Variants in GALNT2 observed in about 807,000 individuals in gnomAD.
GALNT2 encodes the protein UDP-GalNAc:polypeptide N-acetylgalactosaminyltransferase 2.
A neutral mutation model predicts 81.4 loss-of-function variants in GALNT2; 31 were observed. The observed-to-expected ratio is 0.38, with a 90% CI of 0.29 to 0.51. GALNT2 has a LOEUF of 0.51. Ranked by LOEUF, GALNT2 falls within the 20% of genes least tolerant of loss-of-function variation. The pLI, the probability that GALNT2 is intolerant of heterozygous loss-of-function variation, is 0.87. For synonymous variants in GALNT2, 303 were observed against 287.4 expected (o/e 1.05, Z -0.55); for missense variants, 629 against 765.7 (o/e 0.82, Z 2.11).
intron 1 of GALNT2, among the ~76,000 whole-genome samples, chr1:230,112,709 G>A (rs557186042): frequency 1.3e-5 from 2 of 151,696 alleles, no homozygotes; most frequent in South Asian, 4.2e-4. Flanking sequence ...AGTGGAGGAA[G>A]CGCAGTTGTG....
chr1:230,278,637 CAG>C (rs1666358410), intron 15 of GALNT2, among the ~76,000 whole-genome samples: 1 of 152,192 alleles, frequency 6.6e-6, no homozygotes, highest in South Asian at 2.1e-4. Flanking sequence ...CCCTGCCATA[CAG>C]AGCACCAGGG....
upstream of GALNT2, among the ~76,000 whole-genome samples, chr1:230,066,722 G>A (rs1186937515): frequency 6.6e-6 from 1 of 152,252 alleles, no homozygotes; most frequent in Non-Finnish European, 1.5e-5. Flanking sequence ...CAAGGCTGAA[G>A]AGGTGACAGT....
intron 1 of GALNT2, among the ~76,000 whole-genome samples, chr1:230,074,675 A>G (rs1348966695): frequency 6.6e-6 from 1 of 152,202 alleles, no homozygotes; most frequent in Non-Finnish European, 1.5e-5. Flanking sequence ...GGGGTGAACC[A>G]CTGTGGGGAG....
At chr1:230,162,186 A>T (rs991861486) in intron 1 of GALNT2, among the ~76,000 whole-genome samples, 16 of 152,186 alleles carry the variant, frequency 1.1e-4, no homozygotes, top group African/African-American at 3.9e-4. Context: ...ACAAGCACTG[A>T]AGACTAACCA....
chr1:230,156,233 A>AAG (rs71173784), intron 1 of GALNT2, among the ~76,000 whole-genome samples: 21,228 of 118,560 alleles, frequency 0.18, 1,762 homozygotes, highest in Admixed American at 0.24. Context: ...GAGAGAGAGA[A>AAG]AGAGAGAGAG....
At chr1:230,233,411 G>A (rs1664927607) in intron 3 of GALNT2, among the ~76,000 whole-genome samples, 1 of 152,246 alleles carries the variant, frequency 6.6e-6, no homozygotes, top group East Asian at 1.9e-4. Flanking sequence ...TCAGGAGTTC[G>A]AGACCAGCCT....
At chr1:230,184,763 C>T (rs563158568) in intron 2 of GALNT2, among the ~76,000 whole-genome samples, 4 of 152,104 alleles carry the variant, frequency 2.6e-5, no homozygotes, top group Admixed American at 6.5e-5. Flanking sequence ...CCTTAATTTG[C>T]GTTTTGGTGT....
At chr1:230,204,207 G>A (rs935884065) in intron 3 of GALNT2, among the ~76,000 whole-genome samples, 5 of 150,020 alleles carry the variant, frequency 3.3e-5, no homozygotes, top group African/African-American at 1.2e-4. Context: ...CTGTTGCCTA[G>A]GCTGGAATAT....
chr1:230,273,683 A>G (rs757430488), intron 14 of GALNT2, among the ~76,000 whole-genome samples: 5 of 152,098 alleles, frequency 3.3e-5, no homozygotes, highest in Non-Finnish European at 5.9e-5. Flanking sequence ...TTGTACATAT[A>G]TGTGTGTGTT....
intron 1 of GALNT2, among the ~76,000 whole-genome samples, chr1:230,145,172 G>C (rs1025327934): frequency 2.0e-5 from 3 of 152,148 alleles, no homozygotes; most frequent in African/African-American, 7.2e-5. Flanking sequence ...TACCAAGACT[G>C]TCCTTGGCAC....
intron 15 of GALNT2, among the ~76,000 whole-genome samples, chr1:230,277,985 T>TA (rs1250984089): frequency 6.7e-6 from 1 of 149,954 alleles, no homozygotes; most frequent in Non-Finnish European, 1.5e-5. Flanking sequence ...GCACACAGTA[T>TA]AAAAAATTAA....
chr1:230,179,626 C>T (rs567300761), intron 2 of GALNT2, among the ~76,000 whole-genome samples: 9 of 152,220 alleles, frequency 5.9e-5, no homozygotes, highest in African/African-American at 9.6e-5. Context: ...ACTCCTTTTG[C>T]GCATTTTTAA....
chr1:230,085,937 T>C (rs2102759646), intron 1 of GALNT2, among the ~76,000 whole-genome samples: 1 of 152,286 alleles, frequency 6.6e-6, no homozygotes, highest in Non-Finnish European at 1.5e-5. Flanking sequence ...CCCGAGGCAA[T>C]ACCTGGAGCC....
At chr1:230,218,354 C>T (rs1170975751) in intron 3 of GALNT2, among the ~76,000 whole-genome samples, 1 of 152,240 alleles carries the variant, frequency 6.6e-6, no homozygotes, top group African/African-American at 2.4e-5. Flanking sequence ...GATGCTGGCA[C>T]CAGGTCTCCC....
intron 1 of GALNT2, among the ~76,000 whole-genome samples, chr1:230,092,693 G>T (rs890581245): frequency 6.6e-6 from 1 of 152,114 alleles, no homozygotes; most frequent in Non-Finnish European, 1.5e-5. Flanking sequence ...CCATTATTCA[G>T]TATTCCTTTA....
intron 1 of GALNT2, among the ~76,000 whole-genome samples, chr1:230,122,044 G>A (rs760674508): frequency 1.4e-5 from 2 of 140,572 alleles, no homozygotes; most frequent in Non-Finnish European, 3.0e-5. Context: ...TCAGCCTCCC[G>A]ACTAGCTGGG....
At chr1:230,251,732 C>T (rs139482385) in intron 10 of GALNT2, among the ~76,000 whole-genome samples, 185 of 152,310 alleles carry the variant, frequency 1.2e-3, no homozygotes, top group African/African-American at 4.3e-3. Flanking sequence ...AGGCCAGGGT[C>T]GCCCAGTAGG....
intron 8 of GALNT2, among the ~76,000 whole-genome samples, chr1:230,248,844 C>G (rs1665455414): frequency 6.6e-6 from 1 of 152,148 alleles, no homozygotes. Flanking sequence ...TCCTTACAGC[C>G]CTTGGACATG....
chr1:230,077,410 C>G (rs894904447), intron 1 of GALNT2, among the ~76,000 whole-genome samples: 1 of 152,126 alleles, frequency 6.6e-6, no homozygotes, highest in African/African-American at 2.4e-5. Flanking sequence ...TTCCGAGAGG[C>G]CATTATTTGT....
Sources: allele counts gnomAD v4.1 joint callset (sites outside exome capture counted in the v4.1 genomes callset), GRCh38; gene constraint gnomAD v4.1.1; transcripts MANE v1.5; gene names NCBI Gene and HGNC (gene_info 2026-07-23, HGNC 2026-07-21).